Variants in PTPN13 observed in about 807,000 individuals in gnomAD.
The protein encoded by PTPN13 is tyrosine-protein phosphatase non-receptor type 13.
PTPN13 carries 191 observed loss-of-function variants against 284.0 expected under a neutral mutation model. That is an observed-to-expected ratio of 0.67 (90% confidence interval 0.60 to 0.76). PTPN13 has a LOEUF of 0.76. PTPN13 is among the 30% of genes least tolerant of loss of function. The pLI is 0.00. For synonymous variants in PTPN13, 986 were observed against 1,022.3 expected (o/e 0.96, Z 0.68); for missense variants, 2,797 against 2,939.9 (o/e 0.95, Z 1.12).
intron 2 of PTPN13, among the ~76,000 whole-genome samples, chr4:86,649,509 G>A (rs181809873): frequency 3.9e-5 from 6 of 152,160 alleles, no homozygotes; most frequent in African/African-American, 1.2e-4. Flanking sequence ...TATGTTCCTG[G>A]CACCTTAGTC....
At chr4:86,644,014 A>G (rs979393853) in intron 2 of PTPN13, among the ~76,000 whole-genome samples, 3 of 152,202 alleles carry the variant, frequency 2.0e-5, no homozygotes, top group African/African-American at 4.8e-5. Context: ...AAAATGATGA[A>G]CAAAGTTGTT....
rs1223517977 is a variant in PTPN13, at chr4:86,769,984, G to C, written c.4704+1G>C. 1.9e-6 allele frequency: 3 copies of C among 1,613,772 alleles called. No individual in the cohort carries two copies. The highest frequency in any genetic ancestry group is 1.7e-4 in the Middle Eastern group (1 of 6,060). On this transcript the variant is annotated splice_donor_variant, in intron 29 of 47. Coordinates refer to ENST00000411767, the MANE Select transcript of PTPN13 (RefSeq NM_080683.3). LOFTEE classifies it high-confidence loss of function. ...CTCTTTGAAAGGACTATCTCAGCAGGTGAGCCCCTAGCATGTGGAGTATAG... is the reference window on the plus strand; with the variant it reads ...CTCTTTGAAAGGACTATCTCAGCAGCTGAGCCCCTAGCATGTGGAGTATAG...
intron 2 of PTPN13, among the ~76,000 whole-genome samples, chr4:86,671,285 T>A (rs1316197078): frequency 6.6e-6 from 1 of 152,228 alleles, no homozygotes; most frequent in Admixed American, 6.5e-5. Context: ...GTATAGATAC[T>A]GTATGATAAA....
At chr4:86,699,634 T>C (rs1007973594) in intron 6 of PTPN13, among the ~76,000 whole-genome samples, 1 of 152,210 alleles carries the variant, frequency 6.6e-6, no homozygotes, top group African/African-American at 2.4e-5. Flanking sequence ...TGTTGCCAAA[T>C]ACCCACTTGT....
Position 86,693,647 on chromosome 4 carries a change from C to A in PTPN13, c.607C>A (p.Arg203=). ...TGATCGAAGCCAGGCTATTCGAGAT[C>A]GATTGCGAGGAAAAGGATTACCAAC... is the stretch of plus-strand genomic sequence containing the variant. ...KPDRSQAIRD[R]LRGKGLPTGR... The change falls in exon 6 of 48, where the codon CGA becomes AGA. Residue 203 remains arginine (R), a synonymous_variant. Coordinates refer to ENST00000411767, the MANE Select transcript of PTPN13 (RefSeq NM_080683.3). 6.4e-7 allele frequency: 1 copy of A among 1,554,424 alleles called. No homozygotes were observed. The highest frequency in any genetic ancestry group is 2.4e-5 in the East Asian group (1 of 42,304).
In PTPN13 at chr4:86,769,750, T is replaced by G. The variant is rs922329882; in HGVS notation, c.4490-19T>G. 18 of 1,492,152 alleles carry G rather than the reference T, an allele frequency of 1.2e-5. No homozygotes were observed. Among genetic ancestry groups the G allele is most frequent in the African/African-American group, 7.1e-5 (5 of 70,442 alleles). 92.4% of individuals were successfully genotyped at this position (1,492,152 alleles called of 1,614,324 possible). A position where few individuals can be genotyped will look rare whatever the true frequency, so the allele number is the denominator to read the frequency against. On this transcript the variant is annotated intron_variant, in intron 28 of 47. Coordinates refer to ENST00000411767, the MANE Select transcript of PTPN13 (RefSeq NM_080683.3). ...GCATGTTAATAATATCTAAATTTTT[T>G]TTATATCTTTTTCTCCAGAAAATAC...
chr4:86,668,432 G>A (rs1391722362), intron 2 of PTPN13, among the ~76,000 whole-genome samples: 1 of 152,006 alleles, frequency 6.6e-6, no homozygotes, highest in Non-Finnish European at 1.5e-5. Context: ...TATTTTCTGT[G>A]GTTTGACTAT....
intron 1 of PTPN13, among the ~76,000 whole-genome samples, chr4:86,624,247 C>T (rs1721586279): frequency 6.6e-6 from 1 of 152,118 alleles, no homozygotes; most frequent in East Asian, 1.9e-4. Flanking sequence ...TCTCAACTCT[C>T]TTTCTGCAGT....
intron 33 of PTPN13, 108 bp downstream of exon 33, chr4:86,774,639 CTTT>C: frequency 9.9e-7 from 1 of 1,009,790 alleles, no homozygotes; most frequent in Non-Finnish European, 1.3e-6. Context: ...TCGGTTTATG[CTTT>C]CTGTTTCCAC....
chr4:86,696,577 T>G (rs866971573), intron 6 of PTPN13, among the ~76,000 whole-genome samples: 2 of 152,032 alleles, frequency 1.3e-5, no homozygotes, highest in African/African-American at 4.8e-5. Context: ...AGATTTAGTA[T>G]TATTGTCTAA....
chr4:86,661,951 A>G (rs956257940), intron 2 of PTPN13, among the ~76,000 whole-genome samples: 1 of 152,266 alleles, frequency 6.6e-6, no homozygotes, highest in South Asian at 2.1e-4. Context: ...GATGGAAGAA[A>G]AAAGATCTCT....
intron 45 of PTPN13, among the ~76,000 whole-genome samples, chr4:86,809,237 T>C (rs1744963774): frequency 6.6e-6 from 1 of 152,192 alleles, no homozygotes; most frequent in African/African-American, 2.4e-5. Flanking sequence ...AATTTGTTTT[T>C]AGGGTTTCCA....
At chr4:86,799,897 G>A (rs1393227371) in intron 42 of PTPN13, among the ~76,000 whole-genome samples, 2 of 143,114 alleles carry the variant, frequency 1.4e-5, no homozygotes, top group Admixed American at 7.3e-5. Context: ...GAATACAGTG[G>A]CACAATCTTG....
At chr4:86,784,629 T>C in intron 38 of PTPN13, 71 bp downstream of exon 38, 2 of 960,202 alleles carry the variant, frequency 2.1e-6, no homozygotes, top group South Asian at 3.0e-5. Context: ...AAAAAATAGG[T>C]ATCCTCTTTT....
intron 7 of PTPN13, among the ~76,000 whole-genome samples, chr4:86,714,629 A>G (rs1732807188): frequency 2.0e-5 from 3 of 152,088 alleles, no homozygotes; most frequent in African/African-American, 7.2e-5. Context: ...TCAAATTCTT[A>G]CCATCTAGTC....
intron 3 of PTPN13, among the ~76,000 whole-genome samples, chr4:86,676,023 A>G (rs1397015155): frequency 2.6e-5 from 4 of 152,198 alleles, no homozygotes; most frequent in African/African-American, 2.4e-5. Flanking sequence ...CATCTTTAGA[A>G]AGACAATAAT....
intron 40 of PTPN13, among the ~76,000 whole-genome samples, chr4:86,787,776 C>T: frequency 6.6e-6 from 1 of 152,148 alleles, no homozygotes; most frequent in Non-Finnish European, 1.5e-5. Flanking sequence ...ACTTAACAAT[C>T]ATTACCCTCT....
intron 1 of PTPN13, among the ~76,000 whole-genome samples, chr4:86,596,041 T>G (rs1056524692): frequency 6.6e-6 from 1 of 152,214 alleles, no homozygotes; most frequent in African/African-American, 2.4e-5. Context: ...CATATATTGA[T>G]TTAGTAAATT....
At chr4:86,675,892 A>G (rs1431236300) in intron 3 of PTPN13, among the ~76,000 whole-genome samples, 1 of 152,206 alleles carries the variant, frequency 6.6e-6, no homozygotes, top group African/African-American at 2.4e-5. Flanking sequence ...CTGTTCAAAA[A>G]TATTGATGTG....
Sources: allele counts gnomAD v4.1 joint callset (sites outside exome capture counted in the v4.1 genomes callset), GRCh38; gene constraint gnomAD v4.1.1; transcripts MANE v1.5; gene names NCBI Gene and HGNC (gene_info 2026-07-23, HGNC 2026-07-21).